Variants in WWTR1 observed in about 807,000 individuals in gnomAD.
WWTR1 encodes the protein WW domain containing transcription regulator 1.
WWTR1 carries 13 observed loss-of-function variants against 40.1 expected under a neutral mutation model. The ratio of observed to expected loss-of-function variants is 0.32; its 90% CI spans 0.21 to 0.52. The LOEUF (loss-of-function observed/expected upper bound fraction) is 0.52, where lower values mean the gene tolerates loss of function less well. Ranked by LOEUF, WWTR1 falls within the 20% of genes least tolerant of loss-of-function variation. The pLI is 0.97. For missense variants in WWTR1, 436 were observed against 523.1 expected (o/e 0.83, Z 1.63); for synonymous variants, 230 against 210.1 (o/e 1.09, Z -0.82).
chr3:149,675,413 T>C (rs377743021), intron 1 of WWTR1, among the ~76,000 whole-genome samples: 91 of 152,264 alleles, frequency 6.0e-4, no homozygotes, highest in African/African-American at 2.1e-3. Context: ...CTGGCAGCCA[T>C]TTTGTAACCA....
chr3:149,633,669 G>A (rs951114349), intron 2 of WWTR1, among the ~76,000 whole-genome samples: 4 of 152,172 alleles, frequency 2.6e-5, no homozygotes, highest in African/African-American at 9.7e-5. Flanking sequence ...TTCAGGGGTG[G>A]AGCGGACACT....
At chr3:149,656,119 T>G (rs1713190291) in intron 2 of WWTR1, among the ~76,000 whole-genome samples, 1 of 152,190 alleles carries the variant, frequency 6.6e-6, no homozygotes, top group South Asian at 2.1e-4. Flanking sequence ...GAATATATTT[T>G]CCTGTGGGGT....
intron 2 of WWTR1, among the ~76,000 whole-genome samples, chr3:149,603,015 C>T (rs1213685706): frequency 6.6e-6 from 1 of 151,538 alleles, no homozygotes. Flanking sequence ...AATAAATAAC[C>T]AGGCTTCTTT....
intron 2 of WWTR1, among the ~76,000 whole-genome samples, chr3:149,622,716 C>T (rs774075660): frequency 1.3e-5 from 2 of 151,984 alleles, no homozygotes; most frequent in African/African-American, 4.8e-5. Context: ...CAAACCAAAA[C>T]TATCTCCACC....
At chr3:149,580,951 C>T (rs1199645105) in intron 2 of WWTR1, among the ~76,000 whole-genome samples, 1 of 152,198 alleles carries the variant, frequency 6.6e-6, no homozygotes, top group African/African-American at 2.4e-5. Flanking sequence ...CATTGATCTC[C>T]TCTGCTTAAC....
At chr3:149,618,387 T>C (rs1046440794) in intron 2 of WWTR1, among the ~76,000 whole-genome samples, 4 of 152,184 alleles carry the variant, frequency 2.6e-5, no homozygotes, top group African/African-American at 9.7e-5. Context: ...CTCTCGAGCA[T>C]CCATCTGTGC....
chr3:149,670,770 C>A (rs1714057978), intron 1 of WWTR1: 1 of 152,160 alleles, frequency 6.6e-6, no homozygotes, highest in Non-Finnish European at 1.5e-5. Context: ...TTACTCACTG[C>A]CCAAGAGCTT....
chr3:149,694,160 G>A (rs538640826), intron 1 of WWTR1, among the ~76,000 whole-genome samples: 2 of 152,326 alleles, frequency 1.3e-5, no homozygotes, highest in African/African-American at 4.8e-5. Flanking sequence ...TTGGGAGGCC[G>A]AGGCAGGTGG....
chr3:149,535,688 A>G (rs1576543228), intron 4 of WWTR1, among the ~76,000 whole-genome samples: 1 of 148,974 alleles, frequency 6.7e-6, no homozygotes, highest in South Asian at 2.2e-4. Flanking sequence ...ATTATAATTT[A>G]GATACTCGTC....
chr3:149,694,189 C>T (rs1223858026), intron 1 of WWTR1, among the ~76,000 whole-genome samples: 1 of 152,084 alleles, frequency 6.6e-6, no homozygotes, highest in Non-Finnish European at 1.5e-5. Context: ...GTCAGGGGTT[C>T]GAGACCAGCC....
upstream of WWTR1, among the ~76,000 whole-genome samples, chr3:149,707,925 T>C (rs1398738487): frequency 6.6e-6 from 1 of 152,020 alleles, no homozygotes; most frequent in Non-Finnish European, 1.5e-5. Flanking sequence ...TGGCCAACAG[T>C]ATGGTATGGC....
intron 2 of WWTR1, among the ~76,000 whole-genome samples, chr3:149,669,506 C>A (rs1713982702): frequency 6.6e-6 from 1 of 152,108 alleles, no homozygotes; most frequent in Admixed American, 6.5e-5. Context: ...CAAACAAGGT[C>A]CCCAGTACTA....
At position 149,542,499 on chromosome 3, in the gene WWTR1, T is replaced by C. The variant is rs1736159028; in HGVS notation, c.607A>G (p.Thr203Ala). The C allele has an allele frequency of 1.2e-6, 2 of 1,613,172 alleles. No individual in the cohort carries two copies. Among genetic ancestry groups the C allele is most frequent in the Admixed American group, 1.7e-5 (1 of 59,944 alleles). ...GTGGGGTGGTTCTGCTGGCTCAGGG[T>C]ACTGGGGGCCATCTGCTGCTGGTGT... ...HQHQQQMAPS[T>A]LSQQNHPTQN... The change falls in exon 4 of 7, where the codon ACC (threonine) becomes GCC (alanine). Residue 203 changes from threonine (T) to alanine (A), a missense_variant. Thr to Ala is a moderately conservative substitution (Grantham distance 58). Coordinates refer to ENST00000360632, the MANE Select transcript of WWTR1 (RefSeq NM_015472.6).
intron 4 of WWTR1, among the ~76,000 whole-genome samples, chr3:149,533,689 C>T (rs141003908): frequency 6.6e-6 from 1 of 151,896 alleles, no homozygotes; most frequent in African/African-American, 2.4e-5. Flanking sequence ...GAGTTCAAAT[C>T]CCAGTTCAGT....
intron 2 of WWTR1, among the ~76,000 whole-genome samples, chr3:149,592,488 A>G (rs1738776782): frequency 6.6e-6 from 1 of 152,230 alleles, no homozygotes; most frequent in Admixed American, 6.5e-5. Flanking sequence ...TGTAAGTACA[A>G]TGCTATGAAG....
intron 2 of WWTR1, among the ~76,000 whole-genome samples, chr3:149,594,339 G>A (rs746203737): frequency 5.3e-5 from 8 of 151,826 alleles, no homozygotes; most frequent in Non-Finnish European, 8.8e-5. Context: ...TTTCTATGTC[G>A]ATTTTTTTTA....
intron 1 of WWTR1, among the ~76,000 whole-genome samples, chr3:149,674,010 C>T (rs1040809167): frequency 2.1e-5 from 3 of 140,760 alleles, no homozygotes; most frequent in South Asian, 2.2e-4. Flanking sequence ...GCCTAGGCAA[C>T]ATAGTAGAAG....
At chr3:149,532,809 C>G (rs1046362301) in intron 4 of WWTR1, among the ~76,000 whole-genome samples, 1 of 152,172 alleles carries the variant, frequency 6.6e-6, no homozygotes, top group Non-Finnish European at 1.5e-5. Flanking sequence ...AAATGAAAGG[C>G]AAACGTCTGA....
chr3:149,557,532 C>T (rs1344440268), intron 3 of WWTR1, among the ~76,000 whole-genome samples: 1 of 152,170 alleles, frequency 6.6e-6, no homozygotes, highest in Non-Finnish European at 1.5e-5. Flanking sequence ...TGATCTGACT[C>T]CTATAACAGA....
Sources: gnomAD v4.1 joint callset for allele counts (sites outside exome capture counted in the v4.1 genomes callset) on GRCh38, gnomAD v4.1.1 for gene constraint, MANE v1.5 for transcripts, NCBI Gene and HGNC (gene_info 2026-07-23, HGNC 2026-07-21) for gene names.